PIK3CA: variants seen among roughly 807,000 people sequenced by gnomAD.
PIK3CA encodes the protein phosphatidylinositol 4,5-bisphosphate 3-kinase catalytic subunit alpha isoform.
A neutral mutation model predicts 138.2 loss-of-function variants in PIK3CA; 27 were observed. The observed-to-expected ratio is 0.20, with a 90% CI of 0.14 to 0.27. The LOEUF (loss-of-function observed/expected upper bound fraction) is 0.27. PIK3CA is among the 10% of genes least tolerant of loss of function. The pLI is 1.00. For missense variants in PIK3CA, 544 were observed against 1,277.4 expected, an observed-to-expected ratio of 0.43 and a Z score of 8.75; for synonymous variants, 358 against 413.2, an observed-to-expected ratio of 0.87 and a Z score of 1.62.
intron 1 of PIK3CA, among the ~76,000 whole-genome samples, chr3:179,183,859 T>G (rs1723909573): frequency 6.6e-6 from 1 of 152,214 alleles, no homozygotes; most frequent in African/African-American, 2.4e-5. Context: ...GTCTAATCCT[T>G]GTTGTATATT....
chr3:179,220,323 C>T lies in PIK3CA; in HGVS notation c.2015+271C>T, dbSNP rs1435913371. 6.6e-6 allele frequency among the ~76,000 whole-genome samples: 1 copy of T among 151,964 alleles called. No homozygotes were observed. The highest frequency in any genetic ancestry group is 1.5e-5 in the Non-Finnish European group (1 of 67,976). On this transcript the variant is annotated intron_variant, in intron 13 of 20. Transcript: ENST00000263967. This position sits in a 1 kb window ranked among gnomAD's most constrained non-coding sequence, Gnocchi z 4.1. ...CTACTTAAGTCAAATTTTCTAGGTCCAGATGAATATTGCTGTAGGTTTCAC... is the reference window on the plus strand; with the variant it reads ...CTACTTAAGTCAAATTTTCTAGGTCTAGATGAATATTGCTGTAGGTTTCAC...
intron 1 of PIK3CA, among the ~76,000 whole-genome samples, chr3:179,175,714 T>C (rs1457201106): frequency 6.6e-6 from 1 of 152,114 alleles, no homozygotes; most frequent in African/African-American, 2.4e-5. Flanking sequence ...TTGTTGATTT[T>C]TTTTTTTTTT....
At chr3:179,198,456 G>T (rs1260669294) in intron 1 of PIK3CA, among the ~76,000 whole-genome samples, 2 of 152,176 alleles carry the variant, frequency 1.3e-5, no homozygotes, top group Non-Finnish European at 2.9e-5. Context: ...TCTTCCCATA[G>T]CCTCATCTCT....
intron 1 of PIK3CA, among the ~76,000 whole-genome samples, chr3:179,182,508 A>G (rs79354037): frequency 2.4e-4 from 36 of 151,978 alleles, no homozygotes; most frequent in African/African-American, 8.0e-4. Context: ...TCTCTGCATT[A>G]AAAAAAATTT....
chr3:179,170,503 A>G (rs1040336665), intron 1 of PIK3CA, among the ~76,000 whole-genome samples: 1 of 152,230 alleles, frequency 6.6e-6, no homozygotes, highest in Admixed American at 6.5e-5. Flanking sequence ...CATTTTAAAT[A>G]TCTTCTGAAC....
Position 179,219,226 on chromosome 3 carries a change from A to T in PIK3CA, c.1695A>T (p.Leu565=), listed in dbSNP as rs1724910372. ...RHYCVTIPEI[L]PKLLLSVKWN... ...ATTGTGTAACTATCCCCGAAATTCT[A>T]CCCAAATTGCTTCTGTCTGTTAAAT... Residue 565 remains leucine, a synonymous_variant, in exon 11 of 21, where the codon CTA becomes CTT. Transcript: ENST00000263967. This position sits in a 1 kb window ranked among gnomAD's most constrained non-coding sequence, Gnocchi z 4.2. 6.2e-7 allele frequency: 1 copy of T among 1,605,668 alleles called. No homozygotes were observed. The highest frequency in any genetic ancestry group is 1.1e-5 in the South Asian group (1 of 90,848).
rs770443594 is a variant in PIK3CA at position 179,230,362 on chromosome 3, A to G, written c.2922A>G (p.Thr974=). 1 of 1,601,216 alleles carries G rather than the reference A, an allele frequency of 6.2e-7. No individual in the cohort carries two copies. Among genetic ancestry groups the G allele is most frequent in the Admixed American group, 1.8e-5 (1 of 56,066 alleles). The change falls in exon 20 of 21, where the codon ACA becomes ACG. Residue 974 remains threonine (T), a synonymous_variant. Transcript: ENST00000263967. This position sits in a 1 kb window ranked among gnomAD's most constrained non-coding sequence, Gnocchi z 5.4. ...AAGGAGCCCAAGAATGCACAAAGAC[A>G]AGAGAATTTGAGAGGTGAGCTCGAG... The part of the protein sequence containing the change: ...ISKGAQECTK[T]REFERFQEMC...
intron 1 of PIK3CA, among the ~76,000 whole-genome samples, chr3:179,190,143 T>A (rs1402977541): frequency 6.6e-6 from 1 of 152,186 alleles, no homozygotes; most frequent in Non-Finnish European, 1.5e-5. Context: ...TGCTTTTGAT[T>A]TTTCTTTAAC....
intron 1 of PIK3CA, among the ~76,000 whole-genome samples, chr3:179,170,946 A>T (rs962293676): frequency 2.0e-5 from 3 of 152,228 alleles, no homozygotes; most frequent in African/African-American, 4.8e-5. Context: ...AGCCAACTCA[A>T]TCTAATTGAC....
intron 1 of PIK3CA, among the ~76,000 whole-genome samples, chr3:179,176,537 A>G (rs1723701396): frequency 6.6e-6 from 1 of 151,262 alleles, no homozygotes; most frequent in East Asian, 1.9e-4. Flanking sequence ...GTACTCTGAT[A>G]TTTTAAGATC....
At chr3:179,179,270 G>A (rs952409112) in intron 1 of PIK3CA, among the ~76,000 whole-genome samples, 22 of 152,232 alleles carry the variant, frequency 1.4e-4, no homozygotes, top group African/African-American at 5.1e-4. Context: ...GTATAAACAA[G>A]CTGTAGTATA....
At chr3:179,154,046 C>T (rs1723073656) in intron 1 of PIK3CA, among the ~76,000 whole-genome samples, 1 of 152,198 alleles carries the variant, frequency 6.6e-6, no homozygotes, top group Non-Finnish European at 1.5e-5. Context: ...TTCTTTCCCT[C>T]TCTACCTATA....
intron 1 of PIK3CA, among the ~76,000 whole-genome samples, chr3:179,166,003 C>A (rs1360957215): frequency 6.6e-6 from 1 of 152,010 alleles, no homozygotes; most frequent in Non-Finnish European, 1.5e-5. Context: ...AATTACACTT[C>A]TTTTCATACC....
At chr3:179,176,573 T>G (rs1208870780) in intron 1 of PIK3CA, among the ~76,000 whole-genome samples, 1 of 151,458 alleles carries the variant, frequency 6.6e-6, no homozygotes, top group East Asian at 1.9e-4. Flanking sequence ...CCCTTTTTTA[T>G]AAACTATTTT....
chr3:179,164,361 C>A (rs1470803053), intron 1 of PIK3CA, among the ~76,000 whole-genome samples: 3 of 152,088 alleles, frequency 2.0e-5, no homozygotes, highest in African/African-American at 7.2e-5. Context: ...GAATAAATTT[C>A]TGTAATAAAC....
intron 1 of PIK3CA, among the ~76,000 whole-genome samples, chr3:179,178,261 C>CAAA (rs60887179): frequency 2.5e-4 from 20 of 79,872 alleles, no homozygotes; most frequent in Middle Eastern, 5.3e-3. Context: ...CTCTAAAGAT[C>CAAA]AAAAAAAAAA....
intron 1 of PIK3CA, among the ~76,000 whole-genome samples, chr3:179,187,554 AAAAG>A (rs1161659588): frequency 2.7e-5 from 4 of 150,724 alleles, no homozygotes; most frequent in East Asian, 2.0e-4. Context: ...AAAAAAAAAA[AAAAG>A]AGAGAAACGG....
rs758795044 is a variant in PIK3CA, at chr3:179,229,330, C to T, written c.2554C>T (p.Arg852Ter). ...GDCVGLIEVV[R>*]NSHTIMQIQC... is the part of the protein sequence containing the mutation. ...CTGTGTGGGACTTATTGAGGTGGTG[C>T]GAAATTCTCACACTATTATGCAAAT... is the stretch of plus-strand genomic sequence containing the variant. The change falls in exon 18 of 21, where the codon CGA becomes TGA. Residue 852 changes from arginine to a stop codon, truncating the protein, a stop_gained. Coordinates refer to ENST00000263967, the MANE Select transcript of PIK3CA (RefSeq NM_006218.4). LOFTEE classifies it high-confidence loss of function. 1 of 1,613,002 alleles carries T rather than the reference C, an allele frequency of 6.2e-7. No homozygotes were observed. Among genetic ancestry groups the T allele is most frequent in the Admixed American group, 1.7e-5 (1 of 59,898 alleles).
At chr3:179,229,187 TA>T (rs2108422164) in intron 17 of PIK3CA, 84 bp from the exon 18 acceptor site, 1 of 1,079,354 alleles carries the variant, frequency 9.3e-7, no homozygotes, top group Non-Finnish European at 1.3e-6. Context: ...AATTTACTAA[TA>T]AAATACTCAT....
Sources: gnomAD v4.1 joint callset for allele counts (sites outside exome capture counted in the v4.1 genomes callset) on GRCh38, gnomAD v4.1.1 for gene constraint, Gnocchi (gnomAD v3.1) non-coding constraint, MANE v1.5 for transcripts, NCBI Gene and HGNC (gene_info 2026-07-23, HGNC 2026-07-21) for gene names.